The following KAT5 variants were observed in gnomAD, a reference collection of about 807,000 sequenced individuals.
The protein encoded by KAT5 is lysine acetyltransferase 5, also known as histone acetyltransferase KAT5.
A neutral mutation model predicts 68.1 loss-of-function variants in KAT5; 31 were observed. That is an observed-to-expected ratio of 0.46 (90% CI 0.34 to 0.61). The LOEUF (loss-of-function observed/expected upper bound fraction) is 0.61. Among genes scored for constraint, KAT5 ranks in the 20% least tolerant of loss-of-function variants. KAT5 has a pLI of 0.01. For synonymous variants in KAT5, 365 were observed against 292.6 expected, an observed-to-expected ratio of 1.25 and a Z score of -2.52; for missense variants, 451 against 725.5, an observed-to-expected ratio of 0.62 and a Z score of 4.35.
At position 65,713,496 on chromosome 11, in the gene KAT5, G is replaced by A. The variant is rs766720265; in HGVS notation, c.533G>A (p.Arg178His). ...AGCTCCTGCCTGCAGCCCAACCACC[G>A]CTCAACGGTACCCTCAGCAATTCCA... ...SSSSCLQPNH[R>H]STKRKVEVVS... is the part of the protein sequence containing the mutation. Residue 178 changes from arginine (R) to histidine (H), a missense_variant, in exon 4 of 13, where the codon CGC becomes CAC. Arg to His is a conservative substitution (Grantham distance 29). Coordinates refer to ENST00000341318, the MANE Select transcript of KAT5 (RefSeq NM_182710.3). 5.0e-6 allele frequency: 8 copies of A among 1,614,138 alleles called. No homozygotes were observed. The highest frequency in any genetic ancestry group is 5.9e-6 in the Non-Finnish European group (7 of 1,180,024).
chr11:65,714,663 C>T lies in KAT5; in HGVS notation c.859C>T (p.Leu287Phe). 1 of 1,614,232 alleles carries T rather than the reference C, an allele frequency of 6.2e-7. No individual in the cohort carries two copies. Among genetic ancestry groups the T allele is most frequent in the South Asian group, 1.1e-5 (1 of 91,092 alleles). The change falls in exon 7 of 13, where the codon CTC (leucine) becomes TTC (phenylalanine). Residue 287 changes from leucine (L) to phenylalanine (F), a missense_variant. Physicochemically the swap from Leu to Phe is conservative, Grantham distance 22. Coordinates refer to ENST00000341318, the MANE Select transcript of KAT5 (RefSeq NM_182710.3). ...PWYFSPYPQE[L>F]TTLPVLYLCE... ...GTACTTCTCCCCGTACCCACAGGAA[C>T]TCACCACATTGCCTGTCCTCTACCT...
At chr11:65,716,277 C>T (rs1857191646) in intron 8 of KAT5, 1 of 205,540 alleles carries the variant, frequency 4.9e-6, no homozygotes, top group Non-Finnish European at 1.0e-5. Context: ...CAGAGTCTCA[C>T]TTTGGACACA....
chr11:65,716,970 C>T lies in KAT5; in HGVS notation c.1252C>T (p.Leu418=), dbSNP rs775218363. 1 of 1,613,674 alleles carries T rather than the reference C, an allele frequency of 6.2e-7. No individual in the cohort carries two copies. Among genetic ancestry groups the T allele is most frequent in the Non-Finnish European group, 8.5e-7 (1 of 1,179,512 alleles). Reference sequence around the variant, plus strand: ...CCAGCGCCGGGGCTACGGCAAGCTGCTGATCGAGTTCAGTGAGTATGTGTG... The same window carrying T: ...CCAGCGCCGGGGCTACGGCAAGCTGTTGATCGAGTTCAGTGAGTATGTGTG... ...PYQRRGYGKL[L]IEFSYELSKV... Residue 418 remains leucine, a synonymous_variant, in exon 10 of 13, where the codon CTG becomes TTG. Coordinates refer to ENST00000341318, the MANE Select transcript of KAT5 (RefSeq NM_182710.3).
Position 65,712,966 on chromosome 11 carries a change from C to G in KAT5, c.292C>G (p.Leu98Val). The change falls in exon 3 of 13, where the codon CTA becomes GTA. Residue 98 changes from leucine to valine, a missense_variant. Physicochemically the swap from Leu to Val is conservative, Grantham distance 32 (BLOSUM62 1). Transcript: ENST00000341318. The part of the protein sequence containing the change: ...DEWVTHERLD[L>V]KKIQFPKKEA... ...ATGGGTGACGCATGAGCGGCTGGAC[C>G]TAAAGAAGATCCAGTTCCCCAAGAA... 1 of 1,614,118 alleles carries G rather than the reference C, an allele frequency of 6.2e-7. No individual in the cohort carries two copies. Among genetic ancestry groups the G allele is most frequent in the Non-Finnish European group, 8.5e-7 (1 of 1,180,020 alleles).
chr11:65,714,221 G>A (rs1857123801), intron 6 of KAT5: 5 of 539,640 alleles, frequency 9.3e-6, no homozygotes, highest in South Asian at 2.2e-5. Context: ...CTTGAACCCC[G>A]GAGGTGGAGA....
rs935637900 is a variant in KAT5, at chr11:65,719,220, ACTGGGG to A, written c.*43_*48del. 1.9e-6 allele frequency: 3 copies of A among 1,605,790 alleles called. No individual in the cohort carries two copies. In the African/African-American group the frequency reaches 4.0e-5, roughly 21 times the overall value. On this transcript the variant is annotated 3_prime_UTR_variant, in exon 13 of 13. Coordinates refer to ENST00000341318, the MANE Select transcript of KAT5 (RefSeq NM_182710.3). The stretch of plus-strand genomic sequence containing the variant: ...ACTGCAGTGCCAAGACGGCAGCAGG[ACTGGGG>A]CTGATAGCCCACCCCGCCCCCACTG...
intron 4 of KAT5, 35 bp from the exon 5 acceptor site, chr11:65,713,558 C>T (rs1857097873): frequency 1.2e-6 from 2 of 1,614,148 alleles, no homozygotes; most frequent in Non-Finnish European, 1.7e-6. Context: ...ACCTTCTCTA[C>T]CTTCTGACCC....
Position 65,719,258 on chromosome 11 carries a change from C to T in KAT5, c.*77C>T. ...GCCCACCCCGCCCCCACTGCAGCTCCCACAAAGCACTCTAAGGGAGATGGG... is the reference window on the plus strand; with the variant it reads ...GCCCACCCCGCCCCCACTGCAGCTCTCACAAAGCACTCTAAGGGAGATGGG... On this transcript the variant is annotated 3_prime_UTR_variant, in exon 13 of 13. Coordinates refer to ENST00000341318, the MANE Select transcript of KAT5 (RefSeq NM_182710.3). 2 of 1,526,612 alleles carry T rather than the reference C, an allele frequency of 1.3e-6. No individual in the cohort carries two copies. The highest frequency in any genetic ancestry group is 1.2e-5 in the South Asian group (1 of 84,338). The allele number at this position is 1,526,612 out of a possible 1,614,324, so 94.6% of individuals were successfully genotyped here.
At chr11:65,714,058 T>C (rs4645916) in intron 6 of KAT5, 89,264 of 586,294 alleles carry the variant, frequency 0.15, 9,301 homozygotes, top group East Asian at 0.43. Context: ...ACTTTGGGAG[T>C]CCAACCAAGG....
chr11:65,712,884 CTT>C, intron 2 of KAT5, 36 bp from the exon 3 acceptor site: 1 of 1,614,104 alleles, frequency 6.2e-7, no homozygotes, highest in South Asian at 1.1e-5. Flanking sequence ...GGGGGACAGT[CTT>C]TGGCATTCTG....
Position 65,714,511 on chromosome 11 carries a change from C to G in KAT5, c.707C>G (p.Ser236Cys). Residue 236 changes from serine (S) to cysteine (C), a missense_variant, in exon 7 of 13, where the codon TCT becomes TGT. Physicochemically the swap from Ser to Cys is moderately radical, Grantham distance 112. Around this residue, in one of 4 missense-constraint regions of KAT5, gnomAD observed 210 missense variants for 423.7 expected, o/e 0.50. Transcript: ENST00000341318. ...LGTDEDSQDS[S>C]DGIPSAPRMT... ...CCTGGGCAGGACTCCCAGGACAGCT[C>G]TGATGGAATACCGTCAGCACCACGC... 2 of 1,614,040 alleles carry G rather than the reference C, an allele frequency of 1.2e-6. No homozygotes were observed. Among genetic ancestry groups the G allele is most frequent in the Non-Finnish European group, 1.7e-6 (2 of 1,180,016 alleles).
At chr11:65,712,126 G>C (rs763031654), upstream of KAT5, 130 of 776,524 alleles carry the variant, frequency 1.7e-4, no homozygotes, top group Non-Finnish European at 2.2e-4. Context: ...CACAGGGGCA[G>C]TCTTGCCCCT....
chr11:65,712,255 G>A lies in KAT5; in HGVS notation c.-13G>A. ...TCCCAGAGGGGCCGGAAGTGGCAGT[G>A]GAGGGAGGGAAGATGGCGGAGGTGG... On this transcript the variant is annotated 5_prime_UTR_variant, in exon 1 of 13. Coordinates refer to ENST00000341318, the MANE Select transcript of KAT5 (RefSeq NM_182710.3). The A allele has an allele frequency of 7.1e-7, 1 of 1,410,146 alleles. No homozygotes were observed. The allele number at this position is 1,410,146 out of a possible 1,614,324, so 87.4% of individuals were successfully genotyped here. A position where few individuals can be genotyped will look rare whatever the true frequency, so the allele number is the denominator to read the frequency against.
chr11:65,713,085 T>A (rs1857078049), intron 3 of KAT5, 27 bp downstream of exon 3: 1 of 1,611,806 alleles, frequency 6.2e-7, no homozygotes, highest in Non-Finnish European at 8.5e-7. Context: ...CTTCACCTTT[T>A]CTCTCCTGCC....
intron 6 of KAT5, chr11:65,714,113 A>G (rs1039046595): frequency 1.5e-5 from 8 of 530,028 alleles, no homozygotes; most frequent in African/African-American, 1.1e-4. Flanking sequence ...AGCCTGGCCA[A>G]CATGGTGAAA....
rs1857099013 is a variant in KAT5, at chr11:65,713,597, G to A, written c.545G>A (p.Arg182Gln). The A allele has an allele frequency of 4.3e-6, 7 of 1,614,056 alleles. No individual in the cohort carries two copies. Among genetic ancestry groups the A allele is most frequent in the Non-Finnish European group, 5.9e-6 (7 of 1,180,034 alleles). ...TTTGTTGGTTTCTCTCTGCAGAAAC[G>A]GAAGGTGGAGGTGGTTTCACCAGCA... ...CLQPNHRSTK[R>Q]KVEVVSPATP... The change falls in exon 5 of 13, where the codon CGG (arginine) becomes CAG (glutamine). Residue 182 changes from arginine (R) to glutamine (Q), a missense_variant. Around this residue, in one of 4 missense-constraint regions of KAT5, gnomAD observed 135 missense variants for 173.4 expected, o/e 0.78. Transcript: ENST00000341318.
At position 65,716,738 on chromosome 11, in the gene KAT5, C is replaced by T. The variant is rs770404777; in HGVS notation, c.1101C>T (p.Asp367=). 1.6e-5 allele frequency: 26 copies of T among 1,613,562 alleles called. No individual in the cohort carries two copies. The highest frequency in any genetic ancestry group is 2.2e-5 in the Non-Finnish European group (26 of 1,179,576). ...ATAAGACACTGTACTATGACACAGA[C>T]CCTTTCCTCTTCTACGTCATGACAG... ...LDHKTLYYDT[D]PFLFYVMTEY... Residue 367 remains aspartate (D), a synonymous_variant, in exon 9 of 13, where the codon GAC becomes GAT. Transcript: ENST00000341318.
chr11:65,713,277 G>A lies in KAT5; in HGVS notation c.385-71G>A, dbSNP rs538004299. 3.9e-5 allele frequency: 58 copies of A among 1,499,222 alleles called. No homozygotes were observed. The East Asian group carries it at 1.3e-3, about 33-fold the overall frequency. The allele number at this position is 1,499,222 out of a possible 1,614,324, so 92.9% of individuals were successfully genotyped here. A position where few individuals can be genotyped will look rare whatever the true frequency, so the allele number is the denominator to read the frequency against. ...GGGGTTTGATAATTTTGAGGTGAGG[G>A]ACCCCTCTTCCCCTTCCCCATCCCA... is the stretch of plus-strand genomic sequence containing the variant. On this transcript the variant is annotated intron_variant, in intron 3 of 12. Coordinates refer to ENST00000341318, the MANE Select transcript of KAT5 (RefSeq NM_182710.3).
At position 65,719,442 on chromosome 11, in the gene KAT5, C is replaced by G; in HGVS notation, c.*261C>G. On this transcript the variant is annotated 3_prime_UTR_variant, in exon 13 of 13. Transcript: ENST00000341318. ...CCAGAGGGAGCCAGGCAGCTGTGTA[C>G]AGTGAGAAGGGATCCGGATGGGGGA... 1 of 605,318 alleles carries G rather than the reference C, an allele frequency of 1.7e-6. No individual in the cohort carries two copies. Among genetic ancestry groups the G allele is most frequent in the Non-Finnish European group, 2.9e-6 (1 of 342,602 alleles). The allele number at this position is 605,318 out of a possible 1,614,324, so 37.5% of individuals were successfully genotyped here. A position where few individuals can be genotyped will look rare whatever the true frequency, so the allele number is the denominator to read the frequency against.
Sources: allele counts gnomAD v4.1 joint callset, GRCh38; gene constraint gnomAD v4.1.1; regional missense constraint gnomAD v4.1.1; transcripts MANE v1.5; gene names NCBI Gene and HGNC (gene_info 2026-07-23, HGNC 2026-07-21).